The following STAC variants were observed in gnomAD, a reference collection of about 807,000 sequenced individuals.
STAC encodes SH3 and cysteine-rich domain-containing protein.
Under a neutral mutation model 48.8 loss-of-function variants are expected in STAC, and 43 were observed. That is an observed-to-expected ratio of 0.88 (90% confidence interval 0.69 to 1.14). The LOEUF is 1.14. STAC is among the 50% of genes most tolerant of loss of function. The pLI is 0.00. For missense variants in STAC, 497 were observed against 504.0 expected, an observed-to-expected ratio of 0.99 and a Z score of 0.13; for synonymous variants, 193 against 179.5, an observed-to-expected ratio of 1.07 and a Z score of -0.60.
intron 1 of STAC, among the ~76,000 whole-genome samples, chr3:36,412,732 G>T (rs920637126): frequency 6.6e-6 from 1 of 151,988 alleles, no homozygotes; most frequent in Admixed American, 6.6e-5. Flanking sequence ...CCTGTTTCAG[G>T]GCTCTATGTT....
chr3:36,530,580 C>CTTTTTTTTTTTTTCT (rs775751742), intron 10 of STAC, among the ~76,000 whole-genome samples: 6 of 102,704 alleles, frequency 5.8e-5, no homozygotes, highest in Admixed American at 1.1e-4. Context: ...TTCACCTTTT[C>CTTTTTTTTTTTTTCT]TTTTTTTTTT....
At chr3:36,499,958 T>C (rs995740196) in intron 6 of STAC, among the ~76,000 whole-genome samples, 1 of 152,180 alleles carries the variant, frequency 6.6e-6, no homozygotes, top group Non-Finnish European at 1.5e-5. Context: ...TACATGGTCA[T>C]GTTCACTTCA....
At chr3:36,420,333 T>G (rs1375540983) in intron 1 of STAC, among the ~76,000 whole-genome samples, 1 of 152,172 alleles carries the variant, frequency 6.6e-6, no homozygotes, top group African/African-American at 2.4e-5. Flanking sequence ...AATGAGCAAA[T>G]TCACATAACC....
At chr3:36,454,498 C>T (rs1362200601) in intron 2 of STAC, among the ~76,000 whole-genome samples, 3 of 152,100 alleles carry the variant, frequency 2.0e-5, no homozygotes, top group Admixed American at 6.6e-5. Flanking sequence ...CGCGAGGGTC[C>T]GAGGCTTCAT....
chr3:36,507,957 G>T (rs1294637609), intron 8 of STAC, among the ~76,000 whole-genome samples: 1 of 151,954 alleles, frequency 6.6e-6, no homozygotes, highest in African/African-American at 2.4e-5. Context: ...CTTGTCTTCT[G>T]CTAGCTTTCA....
intron 8 of STAC, among the ~76,000 whole-genome samples, chr3:36,525,650 C>A (rs1278385964): frequency 6.6e-6 from 1 of 152,136 alleles, no homozygotes; most frequent in Non-Finnish European, 1.5e-5. Flanking sequence ...CTCATGGTTT[C>A]TTAGGTTACT....
In STAC at chr3:36,465,041, A is replaced by G. The variant is rs917864885; in HGVS notation, c.389-17951A>G. Among the ~76,000 whole-genome samples the G allele has an allele frequency of 5.9e-5, 9 of 152,106 alleles. No homozygotes were observed. In the South Asian group the frequency reaches 8.3e-4, roughly 14 times the overall value. On this transcript the variant is annotated intron_variant, in intron 2 of 10. Coordinates refer to ENST00000273183, the MANE Select transcript of STAC (RefSeq NM_003149.3). ...TTTTAGTTCTTTACAGAGTCTCCAC[A>G]GTTTTCCATAGTGTTTGTACTCATT... is the stretch of plus-strand genomic sequence containing the variant.
intron 1 of STAC, among the ~76,000 whole-genome samples, chr3:36,442,965 C>A (rs1328916287): frequency 1.3e-5 from 2 of 152,136 alleles, no homozygotes; most frequent in Non-Finnish European, 2.9e-5. Flanking sequence ...GAGAGAAAGG[C>A]CAGCTTTACA....
At chr3:36,492,508 G>A (rs1373314720) in intron 5 of STAC, among the ~76,000 whole-genome samples, 2 of 152,054 alleles carry the variant, frequency 1.3e-5, no homozygotes, top group African/African-American at 2.4e-5. Context: ...TAAATGAGAT[G>A]GTATCTATAA....
chr3:36,507,714 T>C (rs576089090), intron 8 of STAC, among the ~76,000 whole-genome samples: 3 of 152,348 alleles, frequency 2.0e-5, no homozygotes, highest in Admixed American at 2.0e-4. Context: ...TAGAGGTGTG[T>C]ATAGTATTCT....
chr3:36,493,022 C>A (rs1698032623), intron 5 of STAC, 129 bp from the exon 6 acceptor site: 1 of 796,062 alleles, frequency 1.3e-6, no homozygotes, highest in Non-Finnish European at 2.0e-6. Flanking sequence ...GCCAAACAGC[C>A]AAGACAGCAA....
intron 2 of STAC, among the ~76,000 whole-genome samples, chr3:36,446,326 G>T (rs1196457291): frequency 6.6e-6 from 1 of 152,224 alleles, no homozygotes; most frequent in Non-Finnish European, 1.5e-5. Flanking sequence ...AGTTAGGTGT[G>T]TCTGTCAGCT....
At chr3:36,408,311 A>G (rs1383523660) in intron 1 of STAC, among the ~76,000 whole-genome samples, 1 of 151,474 alleles carries the variant, frequency 6.6e-6, no homozygotes, top group Non-Finnish European at 1.5e-5. Flanking sequence ...CTCTTCTTAT[A>G]CCCTTCTTTC....
intron 10 of STAC, among the ~76,000 whole-genome samples, chr3:36,539,125 T>A (rs1436985295): frequency 6.6e-6 from 1 of 152,192 alleles, no homozygotes; most frequent in Non-Finnish European, 1.5e-5. Flanking sequence ...TTCTAATACA[T>A]GTTAGTTTAG....
intron 2 of STAC, among the ~76,000 whole-genome samples, chr3:36,475,862 C>A: frequency 6.6e-6 from 1 of 152,208 alleles, no homozygotes; most frequent in East Asian, 1.9e-4. Flanking sequence ...AGCCAGCATC[C>A]TAGGTCAGGC....
At chr3:36,441,747 G>A (rs1696357282) in intron 1 of STAC, among the ~76,000 whole-genome samples, 1 of 152,050 alleles carries the variant, frequency 6.6e-6, no homozygotes, top group South Asian at 2.1e-4. Context: ...CTCTGCATTT[G>A]TTATTTTTGT....
intron 1 of STAC, among the ~76,000 whole-genome samples, chr3:36,434,278 T>C (rs1325013193): frequency 6.6e-6 from 1 of 152,214 alleles, no homozygotes; most frequent in Non-Finnish European, 1.5e-5. Flanking sequence ...TTCTTAGATG[T>C]CATCATTTAA....
chr3:36,532,358 T>C lies in STAC; in HGVS notation c.1110+3373T>C, dbSNP rs1425185773. ...TATGATATGCCCACTTTAGGACACATTGCATTTTGTAAATTGCACAAGCTC... is the reference window on the plus strand; with the variant it reads ...TATGATATGCCCACTTTAGGACACACTGCATTTTGTAAATTGCACAAGCTC... On this transcript the variant is annotated intron_variant, in intron 10 of 10. Transcript: ENST00000273183. Among the ~76,000 whole-genome samples, 12 of 152,356 alleles carry C rather than the reference T, an allele frequency of 7.9e-5. No homozygotes were observed. In the South Asian group the frequency reaches 2.3e-3, roughly 29 times the overall value.
chr3:36,390,107 G>A (rs1184757605), intron 1 of STAC, among the ~76,000 whole-genome samples: 1 of 152,120 alleles, frequency 6.6e-6, no homozygotes, highest in Non-Finnish European at 1.5e-5. Flanking sequence ...TATACATGTA[G>A]TATTGTACAG....
Sources: allele counts gnomAD v4.1 joint callset (sites outside exome capture counted in the v4.1 genomes callset), GRCh38; gene constraint gnomAD v4.1.1; transcripts MANE v1.5; gene names NCBI Gene and HGNC (gene_info 2026-07-23, HGNC 2026-07-21).